The following GABRR3 variants were observed in gnomAD, a reference collection of about 807,000 sequenced individuals.
GABRR3 encodes the protein gamma-aminobutyric acid type A receptor subunit rho3, also known as gamma-aminobutyric acid receptor subunit rho-3.
In GABRR3, 29 loss-of-function variants were observed where a neutral mutation model predicts 43.2. The observed-to-expected ratio is 0.67, with a 90% CI of 0.50 to 0.92. GABRR3 has a LOEUF of 0.92. Among genes scored for constraint, GABRR3 ranks in the 40% least tolerant of loss-of-function variants. The pLI is 0.00. For synonymous variants in GABRR3, 206 were observed against 195.9 expected (o/e 1.05, Z -0.43); for missense variants, 576 against 572.3 (o/e 1.01, Z -0.07).
At chr3:98,033,541 A>G (rs964120414) in intron 2 of GABRR3, among the ~76,000 whole-genome samples, 9 of 152,246 alleles carry the variant, frequency 5.9e-5, no homozygotes, top group African/African-American at 1.4e-4. Context: ...GGTGTGATGA[A>G]TTAGCTACTA....
chr3:97,993,847 T>G (rs1706503213), intron 8 of GABRR3, among the ~76,000 whole-genome samples: 1 of 152,076 alleles, frequency 6.6e-6, no homozygotes, highest in African/African-American at 2.4e-5. Flanking sequence ...TACTTCTTTG[T>G]TCTCTGGCAT....
At chr3:98,003,114 T>C (rs1216472681) in intron 7 of GABRR3, among the ~76,000 whole-genome samples, 3 of 152,202 alleles carry the variant, frequency 2.0e-5, no homozygotes, top group Admixed American at 6.6e-5. Flanking sequence ...TAGTACATTA[T>C]AAAGTTAAAA....
At chr3:98,012,814 G>A (rs1706818360) in intron 4 of GABRR3, among the ~76,000 whole-genome samples, 1 of 152,170 alleles carries the variant, frequency 6.6e-6, no homozygotes, top group Non-Finnish European at 1.5e-5. Flanking sequence ...AGTTGGGGAA[G>A]GGGAACCAGG....
Position 98,012,234 on chromosome 3 carries a change from G to A in GABRR3, c.530+110C>T, listed in dbSNP as rs576241874. On this transcript the variant is annotated intron_variant, in intron 5 of 9. Coordinates refer to ENST00000621172, the Ensembl canonical transcript of GABRR3. ...TATGCTTGTGTCCCAATCTCCAGCA[G>A]CATTAAACAGACAGCAACATTGTGA... The A allele has an allele frequency of 1.2e-4, 90 of 747,402 alleles. No individual in the cohort carries two copies. The South Asian group carries it at 1.6e-3, about 13-fold the overall frequency. The allele number at this position is 747,402 out of a possible 1,614,324, so 46.3% of individuals were successfully genotyped here.
intron 7 of GABRR3, among the ~76,000 whole-genome samples, chr3:98,003,568 C>T (rs1456222320): frequency 1.3e-5 from 2 of 151,864 alleles, no homozygotes; most frequent in African/African-American, 4.8e-5. Flanking sequence ...GGTGGTGCTG[C>T]CTTGGAACGT....
At position 97,992,851 on chromosome 3, in the gene GABRR3, C is replaced by T; in HGVS notation, c.1104+1G>A. The T allele has an allele frequency of 6.2e-7, 1 of 1,603,078 alleles. No homozygotes were observed. Among genetic ancestry groups the T allele is most frequent in the Non-Finnish European group, 8.5e-7 (1 of 1,174,268 alleles). On this transcript the variant is annotated splice_donor_variant, in intron 9 of 9. Coordinates refer to ENST00000621172, the Ensembl canonical transcript of GABRR3. LOFTEE classifies it high-confidence loss of function. ...ATCTGATAGTCAGAGCAAGGCTGTA[C>T]CTTTCCTGTCTTCTTGAATTGTTTC... is the stretch of plus-strand genomic sequence containing the variant.
chr3:98,007,957 A>G (rs1337881760), intron 6 of GABRR3, 53 bp from the exon 7 acceptor site: 10 of 1,434,746 alleles, frequency 7.0e-6, no homozygotes, highest in African/African-American at 2.9e-5. Flanking sequence ...TGTAAGCTCA[A>G]TGAGTTCTAT....
chr3:98,021,553 C>T (rs552255498), intron 3 of GABRR3, among the ~76,000 whole-genome samples: 11 of 152,240 alleles, frequency 7.2e-5, no homozygotes, highest in East Asian at 5.8e-4. Context: ...CTTAGCCTAA[C>T]CCCATTCAGA....
rs187899949 is a variant in GABRR3 at position 98,029,811 on chromosome 3, C to T, written c.126-4132G>A. 2.0e-3 allele frequency among the ~76,000 whole-genome samples: 304 copies of T among 151,900 alleles called. 3 individuals are homozygous for T. Among genetic ancestry groups the T allele is most frequent in the East Asian group, 1.2e-3 (6 of 5,168 alleles). ...AAAGACAAAAAATAATGTTAGTGCC[C>T]CATGCTGTGAAGGATATGATGAGGC... On this transcript the variant is annotated intron_variant, in intron 2 of 9. Transcript: ENST00000621172.
At chr3:97,999,079 T>C (rs1400612091) in intron 8 of GABRR3, 1 of 152,080 alleles carries the variant, frequency 6.6e-6, no homozygotes, top group Non-Finnish European at 1.5e-5. Context: ...CTCAACAAAC[T>C]GGGAGGCCCC....
exon 8 of GABRR3, chr3:98,001,702 T>A: frequency 2.5e-6 from 4 of 1,613,174 alleles, no homozygotes; most frequent in Non-Finnish European, 3.4e-6. Context: ...GGGAAATAGG[T>A]TTGCAGCACA....
At chr3:98,026,624 T>G (rs1431456297) in intron 2 of GABRR3, among the ~76,000 whole-genome samples, 10 of 151,976 alleles carry the variant, frequency 6.6e-5, no homozygotes, top group Admixed American at 3.3e-4. Flanking sequence ...ATCATCATCA[T>G]CATCATCATC....
At position 98,034,953 on chromosome 3, in the gene GABRR3, T is replaced by TATAC; in HGVS notation, c.34_35insGTAT (p.Tyr12CysfsTer16). ...ATTTGGTTTCAATATGATCCAGATGTAGGTGAAGGAGACTAACTGGAAAGC... is the reference window on the plus strand; with the variant it reads ...ATTTGGTTTCAATATGATCCAGATGTATACAGGTGAAGGAGACTAACTGGAAAGC... On this transcript the variant is annotated frameshift_variant, in exon 2 of 10. Coordinates refer to ENST00000621172, the Ensembl canonical transcript of GABRR3. LOFTEE classifies it high-confidence loss of function. The TATAC allele has an allele frequency of 6.2e-7, 1 of 1,612,926 alleles. No individual in the cohort carries two copies. The highest frequency in any genetic ancestry group is 8.5e-7 in the Non-Finnish European group (1 of 1,179,272).
intron 3 of GABRR3, among the ~76,000 whole-genome samples, chr3:98,020,743 A>G (rs1458411183): frequency 6.6e-6 from 1 of 151,970 alleles, no homozygotes; most frequent in Non-Finnish European, 1.5e-5. Flanking sequence ...TTCTGGAAAT[A>G]CCTTCGATTT....
intron 7 of GABRR3, among the ~76,000 whole-genome samples, chr3:98,003,581 T>C (rs2107233562): frequency 6.6e-6 from 1 of 152,182 alleles, no homozygotes; most frequent in African/African-American, 2.4e-5. Flanking sequence ...TGGAACGTTG[T>C]GAAGCCTTCA....
intron 3 of GABRR3, 26 bp from the exon 4 acceptor site, chr3:98,017,748 G>A: frequency 6.9e-7 from 1 of 1,447,274 alleles, no homozygotes; most frequent in Non-Finnish European, 9.7e-7. Context: ...TGGTTAATAT[G>A]CTGAGGAATG....
chr3:97,998,406 C>G (rs1706590146), intron 8 of GABRR3: 1 of 152,000 alleles, frequency 6.6e-6, no homozygotes. Context: ...TCCAAATGAC[C>G]AATGCATCAG....
At chr3:97,986,104 G>T (rs1576032120), downstream of GABRR3, among the ~76,000 whole-genome samples, 1 of 152,138 alleles carries the variant, frequency 6.6e-6, no homozygotes, top group East Asian at 1.9e-4. Flanking sequence ...GACCTCAAAT[G>T]ATCTGCACAC....
In GABRR3 at chr3:98,033,431, A is replaced by G. The variant is rs143170759; in HGVS notation, c.125+1432T>C. Among the ~76,000 whole-genome samples the G allele has an allele frequency of 2.9e-3, 442 of 152,164 alleles. 4 individuals carry two copies. Among genetic ancestry groups the G allele is most frequent in the African/African-American group, 0.01 (428 of 41,486 alleles). ...TAACATCAGAAAAAATTTCTACCTC[A>G]CCACAAAGAACCAATGTTCTTTTCT... On this transcript the variant is annotated intron_variant, in intron 2 of 9. Transcript: ENST00000621172.
Sources: allele counts gnomAD v4.1 joint callset (sites outside exome capture counted in the v4.1 genomes callset), GRCh38; gene constraint gnomAD v4.1.1; transcripts MANE v1.5; gene names NCBI Gene and HGNC (gene_info 2026-07-23, HGNC 2026-07-21).